The following GPR183 variants were observed in gnomAD, a reference collection of about 807,000 sequenced individuals.
The protein encoded by GPR183 is G protein-coupled receptor 183, also known as EBV-induced G-protein coupled receptor 2.
GPR183 carries 9 observed loss-of-function variants against 19.7 expected under a neutral mutation model. That is an observed-to-expected ratio of 0.46 (90% confidence interval 0.28 to 0.80). The LOEUF is 0.80. GPR183 is among the 30% of genes least tolerant of loss of function. The pLI is 0.13. For synonymous variants in GPR183, 160 were observed against 155.1 expected (o/e 1.03, Z -0.24); for missense variants, 368 against 446.7 (o/e 0.82, Z 1.59).
Position 99,295,664 on chromosome 13 carries a change from G to A in GPR183, c.482C>T (p.Ala161Val), listed in dbSNP as rs751176615. 2 of 1,614,150 alleles carry A rather than the reference G, an allele frequency of 1.2e-6. No individual in the cohort carries two copies. The highest frequency in any genetic ancestry group is 2.2e-5 in the South Asian group (2 of 91,086). Reference protein sequence around the residue: ...VCIFVWILVFAQTLPLLINPM... With the variant: ...VCIFVWILVFVQTLPLLINPM... The stretch of plus-strand genomic sequence containing the variant: ...GTTGATGAGGAGTGGGAGTGTCTGA[G>A]CAAATACTAGAATCCAGACAAATAT... Residue 161 changes from alanine (A) to valine (V), a missense_variant, in exon 2 of 2, where the codon GCT becomes GTT. Transcript: ENST00000376414. This position sits in a 1 kb window ranked among gnomAD's most constrained non-coding sequence, Gnocchi z 4.1.
intron 1 of GPR183, among the ~76,000 whole-genome samples, chr13:99,303,673 A>G (rs1046372130): frequency 3.3e-5 from 5 of 152,040 alleles, no homozygotes; most frequent in African/African-American, 1.2e-4. Context: ...TGTCTATAAT[A>G]TTTCTCCTCT....
In GPR183 at chr13:99,294,993, T is replaced by C; in HGVS notation, c.*67A>G. ...TTGGAAGCTGAACAATTATTTTGCTTTATAAGGGAAGTCCTGCAAAGTTTG... is the reference window on the plus strand; with the variant it reads ...TTGGAAGCTGAACAATTATTTTGCTCTATAAGGGAAGTCCTGCAAAGTTTG... On this transcript the variant is annotated 3_prime_UTR_variant, in exon 2 of 2. Coordinates refer to ENST00000376414, the MANE Select transcript of GPR183 (RefSeq NM_004951.5). The C allele has an allele frequency of 6.6e-7, 1 of 1,506,918 alleles. No homozygotes were observed. Among genetic ancestry groups the C allele is most frequent in the Non-Finnish European group, 8.9e-7 (1 of 1,122,210 alleles). The allele number at this position is 1,506,918 out of a possible 1,614,324, so 93.3% of individuals were successfully genotyped here. A position where few individuals can be genotyped will look rare whatever the true frequency, so the allele number is the denominator to read the frequency against.
At chr13:99,305,776 T>C (rs1370813028) in intron 1 of GPR183, among the ~76,000 whole-genome samples, 1 of 152,046 alleles carries the variant, frequency 6.6e-6, no homozygotes, top group African/African-American at 2.4e-5. Flanking sequence ...TGTGGTTTTA[T>C]GTCCAAAAAG....
At chr13:99,301,911 ATTTAT>A (rs2044262836) in intron 1 of GPR183, among the ~76,000 whole-genome samples, 1 of 152,238 alleles carries the variant, frequency 6.6e-6, no homozygotes, top group South Asian at 2.1e-4. Context: ...TCTAATATTT[ATTTAT>A]TTTAATAATC....
chr13:99,295,913 A>T lies in GPR183; in HGVS notation c.233T>A (p.Ile78Lys). 6.2e-7 allele frequency: 1 copy of T among 1,613,786 alleles called. No homozygotes were observed. The highest frequency in any genetic ancestry group is 8.5e-7 in the Non-Finnish European group (1 of 1,179,804). The change falls in exon 2 of 2, where the codon ATA becomes AAA. Residue 78 changes from isoleucine to lysine, a missense_variant. Physicochemically the swap from Ile to Lys is moderately radical, Grantham distance 102. Transcript: ENST00000376414. The surrounding 1 kb of genome is among the most constrained non-coding windows in gnomAD (Gnocchi z 4.1). ...LYSTNLVISD[I>K]LFTTALPTRI... ...TGTAGGCAAAGCGGTGGTAAAAAGT[A>T]TATCAGAAATCACCAAATTTGTTGA...
chr13:99,301,408 G>C (rs957501828), intron 1 of GPR183, among the ~76,000 whole-genome samples: 1 of 152,150 alleles, frequency 6.6e-6, no homozygotes, highest in Non-Finnish European at 1.5e-5. Context: ...TGCAGTACTT[G>C]GTCCTTTTAA....
chr13:99,298,685 A>C (rs2044213112), intron 1 of GPR183, among the ~76,000 whole-genome samples: 1 of 152,176 alleles, frequency 6.6e-6, no homozygotes, highest in African/African-American at 2.4e-5. Context: ...CATTTTGTGC[A>C]GGAAAAAAAA....
intron 1 of GPR183, among the ~76,000 whole-genome samples, chr13:99,299,830 A>G (rs1470438124): frequency 6.6e-6 from 1 of 152,202 alleles, no homozygotes; most frequent in Admixed American, 6.5e-5. Context: ...CGCAGGTGAT[A>G]AAACTGACAA....
chr13:99,305,913 C>T (rs533105869), intron 1 of GPR183, among the ~76,000 whole-genome samples: 22 of 151,254 alleles, frequency 1.5e-4, no homozygotes, highest in Non-Finnish European at 2.4e-4. Context: ...ATTTATCTAT[C>T]GAGACAGAGT....
chr13:99,303,162 A>G (rs921703328), intron 1 of GPR183, among the ~76,000 whole-genome samples: 18 of 152,240 alleles, frequency 1.2e-4, no homozygotes, highest in African/African-American at 3.9e-4. Context: ...GCGAAAGGCC[A>G]TTTATAGGAC....
intron 1 of GPR183, among the ~76,000 whole-genome samples, chr13:99,306,524 AAC>A (rs150201902): frequency 1.3e-5 from 2 of 151,730 alleles, no homozygotes; most frequent in African/African-American, 4.8e-5. Flanking sequence ...CCCCTCCCCC[AAC>A]ACACACACAA....
chr13:99,298,585 A>G (rs919292141), intron 1 of GPR183, among the ~76,000 whole-genome samples: 10 of 152,316 alleles, frequency 6.6e-5, no homozygotes, highest in South Asian at 4.1e-4. Context: ...GAAGCTAGAA[A>G]AGAACTGTTT....
intron 1 of GPR183, among the ~76,000 whole-genome samples, chr13:99,306,907 CT>C (rs2044345338): frequency 6.6e-6 from 1 of 152,124 alleles, no homozygotes; most frequent in African/African-American, 2.4e-5. Flanking sequence ...AATTCTACCC[CT>C]GAGATTCTAT....
At chr13:99,304,754 G>A (rs555596705) in intron 1 of GPR183, among the ~76,000 whole-genome samples, 2 of 152,300 alleles carry the variant, frequency 1.3e-5, no homozygotes, top group South Asian at 4.1e-4. Context: ...GGGCACTTAA[G>A]TGACCAAAGA....
intron 1 of GPR183, among the ~76,000 whole-genome samples, chr13:99,306,115 C>T (rs564182228): frequency 1.9e-4 from 29 of 152,146 alleles, no homozygotes; most frequent in South Asian, 6.2e-4. Flanking sequence ...AGGCTGGTCT[C>T]GAACTCCTGA....
intron 1 of GPR183, among the ~76,000 whole-genome samples, chr13:99,306,040 TG>T (rs1382965125): frequency 6.6e-6 from 1 of 152,046 alleles, no homozygotes; most frequent in Non-Finnish European, 1.5e-5. Context: ...GGATTATAGG[TG>T]AGTGCCACCG....
At chr13:99,303,440 A>G (rs2044284890) in intron 1 of GPR183, among the ~76,000 whole-genome samples, 1 of 152,224 alleles carries the variant, frequency 6.6e-6, no homozygotes, top group African/African-American at 2.4e-5. Context: ...TTTCACTGGT[A>G]AAAGCCACCT....
intron 1 of GPR183, among the ~76,000 whole-genome samples, chr13:99,298,389 T>C (rs1357195356): frequency 1.3e-5 from 2 of 152,230 alleles, no homozygotes; most frequent in East Asian, 3.9e-4. Flanking sequence ...AATACACTTC[T>C]AAGGAACTCA....
intron 1 of GPR183, among the ~76,000 whole-genome samples, chr13:99,296,882 A>G (rs540926954): frequency 4.6e-5 from 7 of 152,332 alleles, no homozygotes; most frequent in South Asian, 4.1e-4. Flanking sequence ...TTAAAACTCT[A>G]TCAATCTGCA....
Sources: gnomAD v4.1 joint callset for allele counts (sites outside exome capture counted in the v4.1 genomes callset) on GRCh38, gnomAD v4.1.1 for gene constraint, Gnocchi (gnomAD v3.1) non-coding constraint, MANE v1.5 for transcripts, NCBI Gene and HGNC (gene_info 2026-07-23, HGNC 2026-07-21) for gene names.